Variants in ZFAT observed in about 807,000 individuals in gnomAD.
ZFAT encodes the protein zinc finger and AT-hook domain containing.
In ZFAT, 64 loss-of-function variants were observed where a neutral mutation model predicts 117.7. The observed-to-expected ratio is 0.54, with a 90% CI of 0.44 to 0.67. The LOEUF (loss-of-function observed/expected upper bound fraction) is 0.67. Among genes scored for constraint, ZFAT ranks in the 30% least tolerant of loss-of-function variants. ZFAT has a pLI of 0.00. For missense variants in ZFAT, 1,433 were observed against 1,584.5 expected (o/e 0.90, Z 1.62); for synonymous variants, 679 against 615.0 (o/e 1.10, Z -1.54).
chr8:134,704,502 C>A (rs1834096047), intron 1 of ZFAT, among the ~76,000 whole-genome samples: 1 of 152,234 alleles, frequency 6.6e-6, no homozygotes, highest in Admixed American at 6.5e-5. Flanking sequence ...TCTGTCCCTT[C>A]TCATCCCTAC....
At chr8:134,783,336 CG>C in the ZFAT span, among the ~76,000 whole-genome samples, 1 of 152,098 alleles carries the variant, frequency 6.6e-6, no homozygotes, top group African/African-American at 2.4e-5. Flanking sequence ...TGAGCATTAC[CG>C]CCTGAGCTCC....
chr8:134,676,709 C>T (rs1011413042), intron 1 of ZFAT, among the ~76,000 whole-genome samples: 4 of 152,186 alleles, frequency 2.6e-5, no homozygotes. Context: ...AAACACTCCT[C>T]AGCAAATGCA....
At chr8:134,481,070 T>G (rs1222081907) in intron 15 of ZFAT, among the ~76,000 whole-genome samples, 2 of 152,212 alleles carry the variant, frequency 1.3e-5, no homozygotes, top group East Asian at 3.8e-4. Flanking sequence ...TTAGACTGAT[T>G]TGTTTTTTTA....
intron 2 of ZFAT, among the ~76,000 whole-genome samples, chr8:134,649,165 T>TCACACACACACA (rs752848073): frequency 2.6e-5 from 2 of 76,968 alleles, no homozygotes; most frequent in African/African-American, 4.0e-5. Context: ...CATCTATCTC[T>TCACACACACACA]CACACACACA....
At position 134,551,881 on chromosome 8, in the gene ZFAT, C is replaced by T. The variant is rs114779768; in HGVS notation, c.2976+13452G>A. 7.4e-3 allele frequency among the ~76,000 whole-genome samples: 1,133 copies of T among 152,284 alleles called. 24 individuals are homozygous for T. Among genetic ancestry groups the T allele is most frequent in the African/African-American group, 0.026 (1,079 of 41,548 alleles). ...TTATAAAGGCCTTCAGGACTTATTTCATCATCAGGAATGCAAAAAGAGGTT... is the reference window on the plus strand; with the variant it reads ...TTATAAAGGCCTTCAGGACTTATTTTATCATCAGGAATGCAAAAAGAGGTT... On this transcript the variant is annotated intron_variant, in intron 11 of 15. Coordinates refer to ENST00000377838, the MANE Select transcript of ZFAT (RefSeq NM_020863.4).
chr8:134,621,560 A>G lies in ZFAT; in HGVS notation c.449-10905T>C, dbSNP rs548680693. ...TTAGCTGAAGTCCCCTTGTCCATCA[A>G]GTTTTACATCATGCAGCACCACTGT... On this transcript the variant is annotated intron_variant, in intron 3 of 15. Transcript: ENST00000377838. Among the ~76,000 whole-genome samples the G allele has an allele frequency of 2.6e-5, 4 of 152,260 alleles. No homozygotes were observed. In the East Asian group the frequency reaches 7.7e-4, roughly 29 times the overall value.
the ZFAT span, among the ~76,000 whole-genome samples, chr8:134,825,889 C>T: frequency 3.3e-5 from 5 of 151,908 alleles, no homozygotes; most frequent in East Asian, 1.9e-4. Flanking sequence ...GGCGTGGTGG[C>T]GGGCGCCTGT....
intron 5 of ZFAT, among the ~76,000 whole-genome samples, chr8:134,605,298 G>A (rs535786902): frequency 6.6e-5 from 10 of 152,224 alleles, no homozygotes; most frequent in Non-Finnish European, 1.2e-4. Context: ...TGTAATCCCA[G>A]CACTTTGGGA....
At chr8:134,716,777 A>G (rs141816565), upstream of ZFAT, among the ~76,000 whole-genome samples, 83 of 152,380 alleles carry the variant, frequency 5.4e-4, 1 homozygote, top group African/African-American at 1.9e-3. Flanking sequence ...AAATAGACAT[A>G]TAACTGTGTA....
the ZFAT span, among the ~76,000 whole-genome samples, chr8:134,776,286 C>T: frequency 6.6e-6 from 1 of 152,130 alleles, no homozygotes; most frequent in African/African-American, 2.4e-5. Context: ...TGCTCATTTT[C>T]AAAGTCACCC....
chr8:134,728,552 A>G, the ZFAT span, among the ~76,000 whole-genome samples: 1 of 152,182 alleles, frequency 6.6e-6, no homozygotes, highest in East Asian at 1.9e-4. Context: ...ACCACTCTGG[A>G]GGGTGTGAGC....
At chr8:134,496,915 A>T (rs576303779) in intron 15 of ZFAT, among the ~76,000 whole-genome samples, 1 of 152,328 alleles carries the variant, frequency 6.6e-6, no homozygotes, top group South Asian at 2.1e-4. Context: ...ACAATCCAAC[A>T]GCTGAAGCTG....
intron 11 of ZFAT, among the ~76,000 whole-genome samples, chr8:134,564,449 C>T (rs1824279158): frequency 6.6e-6 from 1 of 152,186 alleles, no homozygotes; most frequent in African/African-American, 2.4e-5. Context: ...CCAACAGGCC[C>T]TATATCAGGA....
At chr8:134,485,055 G>A (rs1817571819) in intron 15 of ZFAT, among the ~76,000 whole-genome samples, 1 of 152,154 alleles carries the variant, frequency 6.6e-6, no homozygotes, top group South Asian at 2.1e-4. Context: ...TGCTTGTTGT[G>A]GGTCAGGTGC....
chr8:134,708,399 TA>T (rs1813863647), intron 1 of ZFAT, among the ~76,000 whole-genome samples: 1 of 152,108 alleles, frequency 6.6e-6, no homozygotes, highest in African/African-American at 2.4e-5. Context: ...TATTCCACAT[TA>T]TACTCATAAA....
the ZFAT span, among the ~76,000 whole-genome samples, chr8:134,828,176 T>C: frequency 1.3e-4 from 20 of 152,364 alleles, no homozygotes; most frequent in African/African-American, 4.3e-4. Context: ...CTTCTTTTAA[T>C]ATCATCTCTT....
chr8:134,798,621 T>C, the ZFAT span, among the ~76,000 whole-genome samples: 1 of 152,080 alleles, frequency 6.6e-6, no homozygotes, highest in Non-Finnish European at 1.5e-5. Flanking sequence ...TATAGCTTCT[T>C]CTAAGAGACA....
At chr8:134,763,655 C>T in the ZFAT span, among the ~76,000 whole-genome samples, 7 of 152,250 alleles carry the variant, frequency 4.6e-5, no homozygotes, top group South Asian at 1.2e-3. Flanking sequence ...TTATTATATC[C>T]TCGTGCCTAG....
chr8:134,522,445 T>C (rs1414986985), intron 12 of ZFAT, among the ~76,000 whole-genome samples: 2 of 152,252 alleles, frequency 1.3e-5, no homozygotes, highest in Non-Finnish European at 2.9e-5. Flanking sequence ...CTGACGACTA[T>C]CGGCCCTCGG....
Sources: gnomAD v4.1 joint callset for allele counts (sites outside exome capture counted in the v4.1 genomes callset) on GRCh38, gnomAD v4.1.1 for gene constraint, MANE v1.5 for transcripts, NCBI Gene and HGNC (gene_info 2026-07-23, HGNC 2026-07-21) for gene names.